SLC25A24: variants seen among roughly 807,000 people sequenced by gnomAD.
SLC25A24 encodes solute carrier family 25 member 24.
In SLC25A24, 49 loss-of-function variants were observed where a neutral mutation model predicts 60.7. The observed-to-expected ratio is 0.81, with a 90% CI of 0.64 to 1.02. The LOEUF (loss-of-function observed/expected upper bound fraction) is 1.02. SLC25A24 is among the 50% of genes least tolerant of loss of function. The probability of loss-of-function intolerance (pLI) is 0.00; values close to 1 mark genes in which losing one functional copy is unlikely to be tolerated. For missense variants in SLC25A24, 564 were observed against 586.3 expected (o/e 0.96, Z 0.39); for synonymous variants, 202 against 200.6 (o/e 1.01, Z -0.06).
chr1:108,200,210 C>T lies in SLC25A24; in HGVS notation c.-72G>A. Reference sequence around the variant, plus strand: ...GAGGGCTGCGGGGCGAGACCGGGACCAGCGCGAGGCCGGGCTGGGCGGGGC... The same window carrying T: ...GAGGGCTGCGGGGCGAGACCGGGACTAGCGCGAGGCCGGGCTGGGCGGGGC... On this transcript the variant is annotated 5_prime_UTR_variant, in exon 1 of 10. Coordinates refer to ENST00000565488, the MANE Select transcript of SLC25A24 (RefSeq NM_013386.5). The T allele has an allele frequency of 7.2e-7, 1 of 1,393,422 alleles. No individual in the cohort carries two copies. Among genetic ancestry groups the T allele is most frequent in the Non-Finnish European group, 9.4e-7 (1 of 1,065,598 alleles). 86.3% of individuals were successfully genotyped at this position (1,393,422 alleles called of 1,614,324 possible).
chr1:108,157,732 C>T lies in SLC25A24; in HGVS notation c.511-112G>A, dbSNP rs961259504. The T allele has an allele frequency of 4.0e-6, 5 of 1,245,070 alleles. No individual in the cohort carries two copies. In the African/African-American group the frequency reaches 7.5e-5, roughly 19 times the overall value. The allele number at this position is 1,245,070 out of a possible 1,614,324, so 77.1% of individuals were successfully genotyped here. A position where few individuals can be genotyped will look rare whatever the true frequency, so the allele number is the denominator to read the frequency against. On this transcript the variant is annotated intron_variant, in intron 4 of 9. Coordinates refer to ENST00000565488, the MANE Select transcript of SLC25A24 (RefSeq NM_013386.5). ...TTACAGTTAATATGAACTTCATTCC[C>T]TAGAATTTATACTAAACCAATTTGA...
At chr1:108,149,121 C>T (rs903541571) in intron 6 of SLC25A24, among the ~76,000 whole-genome samples, 1 of 152,054 alleles carries the variant, frequency 6.6e-6, no homozygotes, top group Non-Finnish European at 1.5e-5. Context: ...TTTATTTTCA[C>T]CAGTGCAAAT....
At chr1:108,184,102 G>A (rs1214753749) in intron 2 of SLC25A24, among the ~76,000 whole-genome samples, 1 of 152,148 alleles carries the variant, frequency 6.6e-6, no homozygotes, top group African/African-American at 2.4e-5. Context: ...GGAAATTAGG[G>A]AAACATTGTG....
In SLC25A24 at chr1:108,181,959, G is replaced by T. The variant is rs370180243; in HGVS notation, c.380C>A (p.Ala127Glu). The T allele has an allele frequency of 6.2e-7, 1 of 1,610,546 alleles. No individual in the cohort carries two copies. Among genetic ancestry groups the T allele is most frequent in the Non-Finnish European group, 8.5e-7 (1 of 1,177,240 alleles). Residue 127 changes from alanine to glutamate, a missense_variant, in exon 3 of 10, where the codon GCA becomes GAA. Physicochemically the swap from Ala to Glu is moderately radical, Grantham distance 107 (BLOSUM62 -1). Coordinates refer to ENST00000565488, the MANE Select transcript of SLC25A24 (RefSeq NM_013386.5). ...TLGLTISEQQ[A>E]ELILQSIDVD... is the part of the protein sequence containing the mutation. ...AGCTTACCTTTGAAGAATCAACTCT[G>T]CTTGTTGTTCAGAAATAGTCAGACC... is the stretch of plus-strand genomic sequence containing the variant.
At chr1:108,193,926 C>A (rs554916718) in intron 1 of SLC25A24, among the ~76,000 whole-genome samples, 1 of 139,350 alleles carries the variant, frequency 7.2e-6, no homozygotes, top group African/African-American at 2.5e-5. Context: ...AGGGCCCTGG[C>A]TTCCCCAGAC....
intron 6 of SLC25A24, among the ~76,000 whole-genome samples, chr1:108,149,342 G>A (rs1171897604): frequency 2.0e-5 from 3 of 152,126 alleles, no homozygotes; most frequent in Non-Finnish European, 2.9e-5. Flanking sequence ...TTAATATCAT[G>A]GGATTGAGAG....
At chr1:108,144,070 G>C (rs1054959476) in intron 7 of SLC25A24, among the ~76,000 whole-genome samples, 2 of 152,166 alleles carry the variant, frequency 1.3e-5, no homozygotes, top group Non-Finnish European at 2.9e-5. Flanking sequence ...GGATGGGGCA[G>C]TGGGGAGTTG....
At chr1:108,161,470 C>A (rs1680082078) in intron 3 of SLC25A24, among the ~76,000 whole-genome samples, 177 bp from the exon 4 acceptor site, 1 of 152,162 alleles carries the variant, frequency 6.6e-6, no homozygotes, top group African/African-American at 2.4e-5. Context: ...ATGGTCCTGT[C>A]AGATAGTTTT....
In SLC25A24 at chr1:108,143,695, G is replaced by C; in HGVS notation, c.946C>G (p.Leu316Val). Residue 316 changes from leucine (L) to valine (V), a missense_variant, in exon 8 of 10, where the codon CTG becomes GTG. Physicochemically the swap from Leu to Val is conservative, Grantham distance 32. Transcript: ENST00000565488. ...TACTGCCCAGTTTTGCCTACAGCCAGCCTGGTTTTCATAACCTGGATATAA... is the reference window on the plus strand; with the variant it reads ...TACTGCCCAGTTTTGCCTACAGCCACCCTGGTTTTCATAACCTGGATATAA... ...IYPMEVMKTR[L>V]AVGKTGQYSG... is the part of the protein sequence containing the mutation. The C allele has an allele frequency of 6.2e-7, 1 of 1,608,950 alleles. No individual in the cohort carries two copies.
intron 3 of SLC25A24, among the ~76,000 whole-genome samples, chr1:108,179,018 A>C (rs901977842): frequency 8.5e-5 from 13 of 152,074 alleles, no homozygotes; most frequent in Admixed American, 3.3e-4. Flanking sequence ...TTTAAGAGCA[A>C]AGTTTATGGC....
At chr1:108,168,885 C>T (rs948716804) in intron 3 of SLC25A24, among the ~76,000 whole-genome samples, 17 of 152,136 alleles carry the variant, frequency 1.1e-4, no homozygotes, top group African/African-American at 4.1e-4. Context: ...CTATGTATGG[C>T]CTTTTGTGTC....
intron 4 of SLC25A24, among the ~76,000 whole-genome samples, chr1:108,158,935 C>T (rs534202746): frequency 2.6e-5 from 4 of 151,868 alleles, no homozygotes; most frequent in South Asian, 2.1e-4. Context: ...CCCCGGAGGC[C>T]GAGTTTGCAG....
At chr1:108,154,751 GA>G (rs879320313) in intron 6 of SLC25A24, among the ~76,000 whole-genome samples, 301 of 148,432 alleles carry the variant, frequency 2.0e-3, no homozygotes, top group Non-Finnish European at 2.9e-3. Flanking sequence ...GAACTACTTA[GA>G]AAAAAAAAAC....
rs538917637 is a variant in SLC25A24, at chr1:108,172,609, G to A, written c.398+9332C>T. Among the ~76,000 whole-genome samples, 7 of 152,294 alleles carry A rather than the reference G, an allele frequency of 4.6e-5. No individual in the cohort carries two copies. In the East Asian group the frequency reaches 5.8e-4, roughly 13 times the overall value. ...AGCCATTAATGAAGGATCCACTCTC[G>A]TGACCCAAGTAGTCCCTACTTCCAA... On this transcript the variant is annotated intron_variant, in intron 3 of 9. Coordinates refer to ENST00000565488, the MANE Select transcript of SLC25A24 (RefSeq NM_013386.5).
chr1:108,160,140 G>C (rs946002639), intron 4 of SLC25A24, among the ~76,000 whole-genome samples: 1 of 151,996 alleles, frequency 6.6e-6, no homozygotes, highest in African/African-American at 2.4e-5. Context: ...GCCGGGCGGA[G>C]ACGCTCCTCA....
intron 3 of SLC25A24, among the ~76,000 whole-genome samples, chr1:108,173,377 ACTT>A (rs1490226636): frequency 1.3e-5 from 2 of 152,112 alleles, no homozygotes; most frequent in South Asian, 2.1e-4. Flanking sequence ...TTTGCTCAGC[ACTT>A]CTTCTTCCTG....
At chr1:108,174,467 T>G (rs148436780) in intron 3 of SLC25A24, among the ~76,000 whole-genome samples, 7,840 of 152,232 alleles carry the variant, frequency 0.052, 275 homozygotes, top group South Asian at 0.1. Flanking sequence ...AGACAGAAGT[T>G]TGCTGCAGGG....
chr1:108,200,315 C>T lies in SLC25A24; in HGVS notation c.-177G>A, dbSNP rs916265367. 6.5e-5 allele frequency: 27 copies of T among 414,990 alleles called. No homozygotes were observed. The highest frequency in any genetic ancestry group is 1.0e-4 in the Non-Finnish European group (26 of 258,004). 25.7% of individuals were successfully genotyped at this position (414,990 alleles called of 1,614,324 possible). On this transcript the variant is annotated 5_prime_UTR_variant, in exon 1 of 10. Transcript: ENST00000565488. ...GCGCAGGGCGCAGGAGCGGAGACCCCACCCGAGCCCGCGCGGAGCGCAGGG... is the reference window on the plus strand; with the variant it reads ...GCGCAGGGCGCAGGAGCGGAGACCCTACCCGAGCCCGCGCGGAGCGCAGGG...
At chr1:108,145,372 C>G (rs568596619) in intron 7 of SLC25A24, among the ~76,000 whole-genome samples, 1 of 152,216 alleles carries the variant, frequency 6.6e-6, no homozygotes, top group South Asian at 2.1e-4. Flanking sequence ...TGCCGGTTCA[C>G]TCTGATGATA....
Sources: gnomAD v4.1 joint callset for allele counts (sites outside exome capture counted in the v4.1 genomes callset) on GRCh38, gnomAD v4.1.1 for gene constraint, MANE v1.5 for transcripts, NCBI Gene and HGNC (gene_info 2026-07-23, HGNC 2026-07-21) for gene names.